Variants in GABRB1 observed in about 807,000 individuals in gnomAD.
GABRB1 encodes gamma-aminobutyric acid receptor subunit beta-1.
GABRB1 carries 17 observed loss-of-function variants against 51.6 expected under a neutral mutation model. That is an observed-to-expected ratio of 0.33 (90% CI 0.23 to 0.49). GABRB1 has a LOEUF of 0.49. GABRB1 is among the 20% of genes least tolerant of loss of function. The pLI is 0.99. For missense variants in GABRB1, 410 were observed against 600.6 expected, an observed-to-expected ratio of 0.68 and a Z score of 3.32; for synonymous variants, 247 against 218.9, an observed-to-expected ratio of 1.13 and a Z score of -1.14.
At chr4:47,076,643 A>G (rs1299027449) in intron 3 of GABRB1, among the ~76,000 whole-genome samples, 1 of 150,176 alleles carries the variant, frequency 6.7e-6, no homozygotes, top group Non-Finnish European at 1.5e-5. Flanking sequence ...AGCCGATTAC[A>G]TGGAAAAACA....
At chr4:47,400,473 AG>A (rs1360571959) in intron 5 of GABRB1, among the ~76,000 whole-genome samples, 3 of 152,004 alleles carry the variant, frequency 2.0e-5, no homozygotes, top group African/African-American at 7.3e-5. Flanking sequence ...AAAGGAACAA[AG>A]TTGTAGATGG....
chr4:47,149,413 A>G (rs542464955), intron 3 of GABRB1, among the ~76,000 whole-genome samples: 24 of 152,168 alleles, frequency 1.6e-4, no homozygotes, highest in Admixed American at 1.4e-3. Context: ...CTCATTATAT[A>G]GTGTTCCTGC....
intron 5 of GABRB1, among the ~76,000 whole-genome samples, chr4:47,365,556 T>C (rs1726953174): frequency 6.6e-6 from 1 of 152,134 alleles, no homozygotes; most frequent in Admixed American, 6.6e-5. Context: ...ATACCCCTTC[T>C]CTTGCCTCCC....
intron 3 of GABRB1, among the ~76,000 whole-genome samples, chr4:47,157,884 G>A (rs1241634582): frequency 2.6e-5 from 4 of 152,038 alleles, no homozygotes; most frequent in Non-Finnish European, 5.9e-5. Context: ...GGTGTGAAGG[G>A]CACTTGCTCC....
intron 3 of GABRB1, among the ~76,000 whole-genome samples, chr4:47,075,054 A>G (rs1429796842): frequency 6.6e-6 from 1 of 152,204 alleles, no homozygotes; most frequent in Non-Finnish European, 1.5e-5. Context: ...TTCACTGCCA[A>G]TGTGAGGCTG....
chr4:47,182,085 T>C (rs964735815), intron 4 of GABRB1, among the ~76,000 whole-genome samples: 10 of 151,998 alleles, frequency 6.6e-5, no homozygotes, highest in African/African-American at 2.2e-4. Context: ...TGATCCCCTG[T>C]TTTTGCTTAG....
At chr4:47,412,542 G>A (rs958758297) in intron 8 of GABRB1, among the ~76,000 whole-genome samples, 9 of 152,214 alleles carry the variant, frequency 5.9e-5, no homozygotes, top group Admixed American at 5.2e-4. Flanking sequence ...GTGCCATATA[G>A]CATTACATGT....
chr4:47,228,140 C>T (rs571919465), intron 4 of GABRB1, among the ~76,000 whole-genome samples: 2 of 152,264 alleles, frequency 1.3e-5, no homozygotes, highest in African/African-American at 4.8e-5. Flanking sequence ...CAAATTACAT[C>T]AACCTCCATC....
chr4:47,000,098 T>TAC (rs1724132863), intron 1 of GABRB1, among the ~76,000 whole-genome samples: 1 of 152,200 alleles, frequency 6.6e-6, no homozygotes, highest in African/African-American at 2.4e-5. Flanking sequence ...CTCAGTGACA[T>TAC]ACTATTGGCT....
At chr4:47,100,146 T>C (rs754920619) in intron 3 of GABRB1, among the ~76,000 whole-genome samples, 29 of 152,034 alleles carry the variant, frequency 1.9e-4, no homozygotes, top group Non-Finnish European at 3.5e-4. Flanking sequence ...CTATTTCTAA[T>C]TAAAGTGCAA....
At chr4:47,050,121 C>T (rs1286892101) in intron 3 of GABRB1, among the ~76,000 whole-genome samples, 6 of 152,034 alleles carry the variant, frequency 3.9e-5, no homozygotes, top group Non-Finnish European at 5.9e-5. Context: ...TCACATTGTC[C>T]CATTCACATT....
chr4:47,355,169 A>G (rs1312104592), intron 5 of GABRB1, among the ~76,000 whole-genome samples: 1 of 151,312 alleles, frequency 6.6e-6, no homozygotes, highest in Non-Finnish European at 1.5e-5. Context: ...TTTAGTAGAG[A>G]TGGGGTTTCA....
intron 1 of GABRB1, among the ~76,000 whole-genome samples, chr4:47,001,826 T>C (rs1337389979): frequency 1.3e-5 from 2 of 152,364 alleles, no homozygotes; most frequent in African/African-American, 4.8e-5. Context: ...ATTAAATGTT[T>C]ATTAAATGTT....
chr4:47,375,073 T>C (rs894269179), intron 5 of GABRB1, among the ~76,000 whole-genome samples: 25 of 152,238 alleles, frequency 1.6e-4, no homozygotes, highest in African/African-American at 5.5e-4. Flanking sequence ...ATGGTGTGCA[T>C]TATTGCATAA....
chr4:47,084,177 C>T (rs972100030), intron 3 of GABRB1, among the ~76,000 whole-genome samples: 3 of 152,078 alleles, frequency 2.0e-5, no homozygotes, highest in Non-Finnish European at 4.4e-5. Context: ...TCAATAACAG[C>T]TTAAATAAAC....
chr4:47,113,242 T>C (rs1305665892), intron 3 of GABRB1, among the ~76,000 whole-genome samples: 1 of 151,910 alleles, frequency 6.6e-6, no homozygotes, highest in African/African-American at 2.4e-5. Context: ...CAAAATTAGC[T>C]GGGTGTGGTG....
At chr4:47,052,587 G>A (rs1030768128) in intron 3 of GABRB1, among the ~76,000 whole-genome samples, 1 of 152,190 alleles carries the variant, frequency 6.6e-6, no homozygotes, top group Non-Finnish European at 1.5e-5. Flanking sequence ...TTGTACTGTG[G>A]CCTTTAAAAT....
intron 5 of GABRB1, among the ~76,000 whole-genome samples, chr4:47,400,248 C>A (rs530798176): frequency 6.6e-6 from 1 of 152,188 alleles, no homozygotes; most frequent in South Asian, 2.1e-4. Context: ...GTGCTGTAAT[C>A]AGATATCTGT....
chr4:47,192,831 A>G (rs1719495128), intron 4 of GABRB1, among the ~76,000 whole-genome samples: 1 of 152,218 alleles, frequency 6.6e-6, no homozygotes, highest in Non-Finnish European at 1.5e-5. Flanking sequence ...GTTCTAAGGC[A>G]CTTTTTAAAA....
Sources: allele counts gnomAD v4.1 joint callset (sites outside exome capture counted in the v4.1 genomes callset), GRCh38; gene constraint gnomAD v4.1.1; transcripts MANE v1.5; gene names NCBI Gene and HGNC (gene_info 2026-07-23, HGNC 2026-07-21).